Variants in PDE4D observed in about 807,000 individuals in gnomAD.
The protein encoded by PDE4D is phosphodiesterase 4D.
PDE4D carries 24 observed loss-of-function variants against 87.4 expected under a neutral mutation model. The ratio of observed to expected loss-of-function variants is 0.27; its 90% confidence interval spans 0.20 to 0.39. The LOEUF is 0.39. PDE4D is among the 10% of genes least tolerant of loss of function. PDE4D has a pLI of 1.00. For synonymous variants in PDE4D, 384 were observed against 383.2 expected, an observed-to-expected ratio of 1.00 and a Z score of -0.02; for missense variants, 714 against 1,041.0, an observed-to-expected ratio of 0.69 and a Z score of 4.32.
intron 2 of PDE4D, 170 bp from the exon 3 acceptor site, chr5:59,193,706 C>T: frequency 1.0e-6 from 1 of 985,334 alleles, no homozygotes; most frequent in Non-Finnish European, 1.2e-6. Flanking sequence ...AAAAATATGT[C>T]TTCTGGGATG....
chr5:59,618,962 C>T (rs190260356), intron 1 of PDE4D, among the ~76,000 whole-genome samples: 10 of 152,244 alleles, frequency 6.6e-5, no homozygotes, highest in Admixed American at 6.5e-4. Context: ...AGCTTCCAGA[C>T]TGTAAGAAAT....
At chr5:60,258,283 T>C (rs1378022237) in intron 1 of PDE4D, among the ~76,000 whole-genome samples, 1 of 151,868 alleles carries the variant, frequency 6.6e-6, no homozygotes, top group Non-Finnish European at 1.5e-5. Context: ...GAAGCATTCA[T>C]ACAATTCAAT....
At chr5:59,131,647 TTAA>T (rs1776304060) in intron 5 of PDE4D, among the ~76,000 whole-genome samples, 1 of 81,452 alleles carries the variant, frequency 1.2e-5, no homozygotes, top group African/African-American at 4.9e-5. Context: ...CACACACACA[TTAA>T]TGAGAGATTT....
intron 1 of PDE4D, among the ~76,000 whole-genome samples, chr5:60,259,094 G>A (rs947907481): frequency 3.9e-5 from 6 of 151,966 alleles, no homozygotes; most frequent in African/African-American, 1.4e-4. Context: ...TGGAAAAAAT[G>A]TCTGAGCCAC....
chr5:60,126,802 A>G (rs1203969545), intron 2 of PDE4D, among the ~76,000 whole-genome samples: 1 of 152,224 alleles, frequency 6.6e-6, no homozygotes, highest in Non-Finnish European at 1.5e-5. Flanking sequence ...AAAGATGCTT[A>G]TTGGATTCAA....
At chr5:59,717,987 A>T (rs1755270683) in intron 1 of PDE4D, among the ~76,000 whole-genome samples, 1 of 152,220 alleles carries the variant, frequency 6.6e-6, no homozygotes, top group South Asian at 2.1e-4. Context: ...CAAATGCTCT[A>T]GCCATTCCCA....
intron 1 of PDE4D, among the ~76,000 whole-genome samples, chr5:59,619,624 A>C (rs1379343382): frequency 6.6e-6 from 1 of 152,202 alleles, no homozygotes; most frequent in African/African-American, 2.4e-5. Flanking sequence ...GAACACTGCC[A>C]TTTCAGTGGT....
At chr5:59,525,758 G>A (rs1813004229) in intron 1 of PDE4D, among the ~76,000 whole-genome samples, 1 of 152,162 alleles carries the variant, frequency 6.6e-6, no homozygotes, top group Non-Finnish European at 1.5e-5. Context: ...TCCCCCTGCT[G>A]TTCTCATGAT....
intron 2 of PDE4D, among the ~76,000 whole-genome samples, chr5:60,048,705 C>T (rs1413823556): frequency 6.6e-6 from 1 of 152,018 alleles, no homozygotes; most frequent in Non-Finnish European, 1.5e-5. Flanking sequence ...CCACTCTCTT[C>T]TGGCTTGTAG....
At chr5:59,115,850 T>C (rs1349082586) in intron 5 of PDE4D, among the ~76,000 whole-genome samples, 1 of 152,200 alleles carries the variant, frequency 6.6e-6, no homozygotes, top group South Asian at 2.1e-4. Flanking sequence ...CCTACATGGT[T>C]TGTTGAACAA....
intron 1 of PDE4D, among the ~76,000 whole-genome samples, chr5:59,727,958 A>G (rs375885591): frequency 6.6e-6 from 1 of 152,174 alleles, no homozygotes; most frequent in South Asian, 2.1e-4. Flanking sequence ...GGATCTTTGC[A>G]TTTTGCCTTC....
chr5:59,074,536 T>C (rs1765370667), intron 5 of PDE4D, among the ~76,000 whole-genome samples: 1 of 152,118 alleles, frequency 6.6e-6, no homozygotes, highest in African/African-American at 2.4e-5. Context: ...GGCAGGCAGA[T>C]TGCTTGAGGC....
intron 6 of PDE4D, among the ~76,000 whole-genome samples, chr5:59,007,903 T>G (rs1005350617): frequency 6.6e-6 from 1 of 152,066 alleles, no homozygotes; most frequent in African/African-American, 2.4e-5. Context: ...AGGAAACCAT[T>G]TTTGCTAAGA....
At chr5:59,323,172 A>G (rs1775023631) in intron 1 of PDE4D, among the ~76,000 whole-genome samples, 1 of 152,032 alleles carries the variant, frequency 6.6e-6, no homozygotes, top group Admixed American at 6.6e-5. Context: ...ACCCTCGACA[A>G]TTCCCATCTG....
chr5:60,173,104 C>T (rs555295551), intron 2 of PDE4D, among the ~76,000 whole-genome samples: 3 of 152,174 alleles, frequency 2.0e-5, no homozygotes, highest in African/African-American at 2.4e-5. Flanking sequence ...CAGTTTCTCT[C>T]CAGTAGGCAC....
chr5:59,470,630 T>A (rs1272566893), intron 1 of PDE4D, among the ~76,000 whole-genome samples: 1 of 152,232 alleles, frequency 6.6e-6, no homozygotes. Flanking sequence ...GTTCTTGAGC[T>A]ATTTTTATCT....
At chr5:59,328,505 G>A (rs757590787) in intron 1 of PDE4D, among the ~76,000 whole-genome samples, 2 of 152,168 alleles carry the variant, frequency 1.3e-5, no homozygotes, top group Non-Finnish European at 2.9e-5. Context: ...GAGGTTGGAA[G>A]TGTCACAAGT....
intron 1 of PDE4D, among the ~76,000 whole-genome samples, chr5:59,880,469 T>C (rs1749279261): frequency 6.6e-6 from 1 of 152,230 alleles, no homozygotes; most frequent in Non-Finnish European, 1.5e-5. Flanking sequence ...GGTATCTTGT[T>C]CATTATTGTC....
chr5:59,278,137 A>C (rs2153545608), intron 1 of PDE4D, among the ~76,000 whole-genome samples: 1 of 151,846 alleles, frequency 6.6e-6, no homozygotes, highest in South Asian at 2.1e-4. Context: ...TGACAGAATA[A>C]AAAAAAAGTA....
Sources: gnomAD v4.1 joint callset for allele counts (sites outside exome capture counted in the v4.1 genomes callset) on GRCh38, gnomAD v4.1.1 for gene constraint, MANE v1.5 for transcripts, NCBI Gene and HGNC (gene_info 2026-07-23, HGNC 2026-07-21) for gene names.